HSPA14: variants seen among roughly 807,000 people sequenced by gnomAD.
The protein encoded by HSPA14 is heat shock protein family A (Hsp70) member 14.
HSPA14 carries 37 observed loss-of-function variants against 65.5 expected under a neutral mutation model. The ratio of observed to expected loss-of-function variants is 0.56; its 90% CI spans 0.43 to 0.74. HSPA14 has a LOEUF of 0.74. HSPA14 is among the 30% of genes least tolerant of loss of function. The pLI, the probability that HSPA14 is intolerant of heterozygous loss-of-function variation, is 0.00. For synonymous variants in HSPA14, 203 were observed against 214.2 expected (o/e 0.95, Z 0.46); for missense variants, 564 against 607.6 (o/e 0.93, Z 0.75).
intron 12 of HSPA14, among the ~76,000 whole-genome samples, chr10:14,869,092 T>C (rs924195086): frequency 6.6e-6 from 1 of 152,138 alleles, no homozygotes; most frequent in African/African-American, 2.4e-5. Context: ...ATGATCCGCC[T>C]GCCTTGGCCT....
At chr10:14,853,834 C>G (rs1834125568) in intron 8 of HSPA14, among the ~76,000 whole-genome samples, 1 of 152,118 alleles carries the variant, frequency 6.6e-6, no homozygotes, top group African/African-American at 2.4e-5. Flanking sequence ...ATTCTTCTGC[C>G]TCAGCCTCCC....
At chr10:14,857,438 T>C (rs1212598225) in intron 10 of HSPA14, among the ~76,000 whole-genome samples, 2 of 152,266 alleles carry the variant, frequency 1.3e-5, no homozygotes. Flanking sequence ...CACTGAGTTA[T>C]AGCATTTAAA....
Position 14,867,204 on chromosome 10 carries a change from C to G in HSPA14, c.1115C>G (p.Ala372Gly). 1.9e-6 allele frequency: 3 copies of G among 1,613,416 alleles called. No homozygotes were observed. ...PPDEVIPIGA[A>G]IEAGILIGKE... ...GATGAAGTGATCCCTATTGGTGCAG[C>G]TATAGAAGCAGGAATTCTTATTGGG... Residue 372 changes from alanine (A) to glycine (G), a missense_variant, in exon 11 of 14, where the codon GCT becomes GGT. Physicochemically the swap from Ala to Gly is moderately conservative, Grantham distance 60. Coordinates refer to ENST00000378372, the MANE Select transcript of HSPA14 (RefSeq NM_016299.4).
intron 3 of HSPA14, chr10:14,843,370 G>C (rs946188843): frequency 2.8e-5 from 43 of 1,550,708 alleles, no homozygotes; most frequent in Non-Finnish European, 3.7e-5. Flanking sequence ...TTGTTTTTCA[G>C]GGTGCTCTCA....
In HSPA14 at chr10:14,871,679, A is replaced by G. The variant is rs1369616196; in HGVS notation, c.*73A>G. ...GGTTTTGTGTATAAGTGGTGTTTGTATTAAAATACTTTTTCAATGAACTGT... is the reference window on the plus strand; with the variant it reads ...GGTTTTGTGTATAAGTGGTGTTTGTGTTAAAATACTTTTTCAATGAACTGT... On this transcript the variant is annotated 3_prime_UTR_variant, in exon 14 of 14. Coordinates refer to ENST00000378372, the MANE Select transcript of HSPA14 (RefSeq NM_016299.4). The G allele has an allele frequency of 3.0e-5, 23 of 765,230 alleles. No homozygotes were observed. The highest frequency in any genetic ancestry group is 4.8e-5 in the Non-Finnish European group (22 of 455,742). The allele number at this position is 765,230 out of a possible 1,614,324, so 47.4% of individuals were successfully genotyped here.
intron 3 of HSPA14, chr10:14,843,655 G>A (rs926106261): frequency 3.2e-6 from 5 of 1,549,150 alleles, no homozygotes; most frequent in Non-Finnish European, 3.5e-6. Context: ...TATCGCAGCC[G>A]AGTTGGCAGA....
At chr10:14,843,109 G>T (rs1167032692) in intron 3 of HSPA14, among the ~76,000 whole-genome samples, 1 of 152,182 alleles carries the variant, frequency 6.6e-6, no homozygotes. Context: ...ATTAATAACT[G>T]GTAGTCAGGA....
intron 4 of HSPA14, 34 bp downstream of exon 4, chr10:14,848,691 ATAGAG>A: frequency 6.4e-7 from 1 of 1,554,916 alleles, no homozygotes; most frequent in South Asian, 1.1e-5. Context: ...TCCCTGTTAC[ATAGAG>A]TAATTACCAA....
At chr10:14,850,610 T>A (rs1044562068) in intron 6 of HSPA14, 1 of 152,278 alleles carries the variant, frequency 6.6e-6, no homozygotes, top group African/African-American at 2.4e-5. Flanking sequence ...AATTGCCTTA[T>A]GTACTTTTAA....
chr10:14,867,004 G>T, intron 10 of HSPA14, 79 bp from the exon 11 acceptor site: 2 of 951,460 alleles, frequency 2.1e-6, no homozygotes, highest in South Asian at 3.1e-5. Context: ...CGATGAAGAT[G>T]ACTCAGTCTA....
At chr10:14,840,487 G>A (rs1046474097) in intron 3 of HSPA14, among the ~76,000 whole-genome samples, 13 of 152,134 alleles carry the variant, frequency 8.5e-5, no homozygotes, top group African/African-American at 2.2e-4. Context: ...AAGACTTATT[G>A]ACAATGTGGT....
At chr10:14,850,980 GC>G (rs1386858112) in intron 6 of HSPA14, 5 of 353,680 alleles carry the variant, frequency 1.4e-5, no homozygotes, top group Admixed American at 9.3e-5. Flanking sequence ...CAGTACGTGT[GC>G]TTTTTGCTTT....
chr10:14,863,418 C>T lies in HSPA14; in HGVS notation c.994-3665C>T, dbSNP rs969474973. 3.3e-5 allele frequency among the ~76,000 whole-genome samples: 5 copies of T among 152,138 alleles called. No homozygotes were observed. In the South Asian group the frequency reaches 6.2e-4, roughly 19 times the overall value. ...CTCTGGATGAGGAGCTGTCAGTGGC[C>T]TCTTCAGGACCACTGATTATCAGTA... On this transcript the variant is annotated intron_variant, in intron 10 of 13. Coordinates refer to ENST00000378372, the MANE Select transcript of HSPA14 (RefSeq NM_016299.4).
In HSPA14 at chr10:14,842,995, G is replaced by C. The variant is rs577943374; in HGVS notation, c.221+2838G>C. 6.6e-5 allele frequency: 46 copies of C among 697,664 alleles called. No individual in the cohort carries two copies. Among genetic ancestry groups the C allele is most frequent in the East Asian group, 6.2e-4 (23 of 36,898 alleles). 43.2% of individuals were successfully genotyped at this position (697,664 alleles called of 1,614,324 possible). A position where few individuals can be genotyped will look rare whatever the true frequency, so the allele number is the denominator to read the frequency against. On this transcript the variant is annotated intron_variant, in intron 3 of 13. Coordinates refer to ENST00000378372, the MANE Select transcript of HSPA14 (RefSeq NM_016299.4). This position sits in a 1 kb window ranked among gnomAD's most constrained non-coding sequence, Gnocchi z 5.2. ...CACCTTTTCAAAAACCTAATAGTAA[G>C]CTAAAGGGTTCCAGGTTTTCAAAAG... is the stretch of plus-strand genomic sequence containing the variant.
At position 14,865,081 on chromosome 10, in the gene HSPA14, A is replaced by G. The variant is rs1832793511; in HGVS notation, c.994-2002A>G. Among the ~76,000 whole-genome samples, 7 of 152,318 alleles carry G rather than the reference A, an allele frequency of 4.6e-5. No individual in the cohort carries two copies. The South Asian group carries it at 1.4e-3, about 32-fold the overall frequency. On this transcript the variant is annotated intron_variant, in intron 10 of 13. Transcript: ENST00000378372. ...ATTTCTCTGATGGCCAGTGATGATGAGCATTTTTTCATGTGTCTTTTGGCT... is the reference window on the plus strand; with the variant it reads ...ATTTCTCTGATGGCCAGTGATGATGGGCATTTTTTCATGTGTCTTTTGGCT...
Position 14,839,994 on chromosome 10 carries a change from C to G in HSPA14, c.138+9C>G. The G allele has an allele frequency of 6.3e-7, 1 of 1,598,082 alleles. No individual in the cohort carries two copies. Among genetic ancestry groups the G allele is most frequent in the South Asian group, 1.1e-5 (1 of 89,690 alleles). ...ACTCAGAAAATGAAGAGGTACTAGT[C>G]CCCCCATTTTTGTACTTCTGAAATA... is the stretch of plus-strand genomic sequence containing the variant. On this transcript the variant is annotated intron_variant, in intron 2 of 13. Coordinates refer to ENST00000378372, the MANE Select transcript of HSPA14 (RefSeq NM_016299.4).
chr10:14,864,774 G>A (rs1056312357), intron 10 of HSPA14, among the ~76,000 whole-genome samples: 9 of 152,234 alleles, frequency 5.9e-5, no homozygotes, highest in East Asian at 3.9e-4. Flanking sequence ...GAATAGTACC[G>A]CAATGAACAT....
chr10:14,841,466 A>T (rs577802634), intron 3 of HSPA14, among the ~76,000 whole-genome samples: 1 of 152,180 alleles, frequency 6.6e-6, no homozygotes, highest in Admixed American at 6.5e-5. Flanking sequence ...CATCAAACAC[A>T]TTGCTGGATT....
chr10:14,840,196 A>G, intron 3 of HSPA14, 39 bp downstream of exon 3: 1 of 988,054 alleles, frequency 1.0e-6, no homozygotes, highest in Non-Finnish European at 1.4e-6. Flanking sequence ...TGGTAATAGG[A>G]ACATGTTCAT....
Sources: gnomAD v4.1 joint callset for allele counts (sites outside exome capture counted in the v4.1 genomes callset) on GRCh38, gnomAD v4.1.1 for gene constraint, Gnocchi (gnomAD v3.1) non-coding constraint, MANE v1.5 for transcripts, NCBI Gene and HGNC (gene_info 2026-07-23, HGNC 2026-07-21) for gene names.